Variants in CFAP221 observed in about 807,000 individuals in gnomAD.
CFAP221 encodes the protein cilia and flagella associated protein 221, also known as cilia- and flagella-associated protein 221.
CFAP221 carries 97 observed loss-of-function variants against 113.1 expected under a neutral mutation model. That is an observed-to-expected ratio of 0.86 (90% CI 0.73 to 1.02). The LOEUF (loss-of-function observed/expected upper bound fraction) is 1.02, where lower values mean the gene tolerates loss of function less well. CFAP221 is among the 50% of genes least tolerant of loss of function. The pLI, the probability that CFAP221 is intolerant of heterozygous loss-of-function variation, is 0.00. For synonymous variants in CFAP221, 331 were observed against 354.4 expected (o/e 0.93, Z 0.74); for missense variants, 1,025 against 1,013.4 (o/e 1.01, Z -0.16).
intron 20 of CFAP221, among the ~76,000 whole-genome samples, chr2:119,639,494 G>C (rs1466719229): frequency 6.6e-6 from 1 of 152,204 alleles, no homozygotes; most frequent in African/African-American, 2.4e-5. Flanking sequence ...AAACAAAATA[G>C]ATTCTAAGGC....
intron 6 of CFAP221, among the ~76,000 whole-genome samples, chr2:119,570,200 G>A (rs1681942304): frequency 1.3e-5 from 2 of 152,194 alleles, no homozygotes; most frequent in Admixed American, 6.5e-5. Context: ...TCTGGACTGT[G>A]AACTTCACAA....
intron 17 of CFAP221, among the ~76,000 whole-genome samples, chr2:119,630,206 T>C (rs1440514310): frequency 2.0e-5 from 3 of 152,224 alleles, no homozygotes; most frequent in Non-Finnish European, 4.4e-5. Context: ...GAACTACGTA[T>C]GTTAGAAACT....
intron 14 of CFAP221, among the ~76,000 whole-genome samples, chr2:119,620,322 T>C (rs1685816006): frequency 6.6e-6 from 1 of 151,722 alleles, no homozygotes; most frequent in Admixed American, 6.6e-5. Context: ...AAGGAAAAAA[T>C]GTTAAGGGTA....
chr2:119,628,834 C>T (rs1224121675), intron 16 of CFAP221, among the ~76,000 whole-genome samples: 1 of 152,132 alleles, frequency 6.6e-6, no homozygotes, highest in Non-Finnish European at 1.5e-5. Flanking sequence ...TTTCAAGCAA[C>T]AATAAATGTC....
chr2:119,571,489 C>CTT (rs762223100), intron 6 of CFAP221, among the ~76,000 whole-genome samples: 22 of 149,462 alleles, frequency 1.5e-4, no homozygotes, highest in Non-Finnish European at 3.0e-4. Flanking sequence ...GAGTTTCACT[C>CTT]TGTCACCCAG....
intron 7 of CFAP221, among the ~76,000 whole-genome samples, chr2:119,600,714 A>G (rs1281326008): frequency 6.6e-6 from 1 of 152,142 alleles, no homozygotes; most frequent in African/African-American, 2.4e-5. Flanking sequence ...GAGCCCACTT[A>G]TATTCAGATT....
At chr2:119,655,131 T>A (rs1275600581) in intron 23 of CFAP221, among the ~76,000 whole-genome samples, 3 of 152,130 alleles carry the variant, frequency 2.0e-5, no homozygotes, top group African/African-American at 7.2e-5. Flanking sequence ...TGGCAAACAT[T>A]TATTTTCATG....
chr2:119,630,128 T>A (rs1461489956), intron 17 of CFAP221, among the ~76,000 whole-genome samples, 173 bp downstream of exon 17: 1 of 152,250 alleles, frequency 6.6e-6, no homozygotes, highest in East Asian at 1.9e-4. Context: ...TTTCTCATAG[T>A]GTGGCTTAGG....
At chr2:119,596,313 C>G (rs1683970485) in intron 7 of CFAP221, among the ~76,000 whole-genome samples, 1 of 152,220 alleles carries the variant, frequency 6.6e-6, no homozygotes, top group African/African-American at 2.4e-5. Context: ...GCACTTCCTG[C>G]AGCTCCTAGA....
chr2:119,630,969 C>A, intron 19 of CFAP221, 68 bp downstream of exon 19: 1 of 1,552,306 alleles, frequency 6.4e-7, no homozygotes, highest in Non-Finnish European at 8.8e-7. Flanking sequence ...CTATAGGAAA[C>A]AGAGCACTCA....
chr2:119,572,625 C>G, intron 6 of CFAP221: 1 of 692,746 alleles, frequency 1.4e-6, no homozygotes, highest in Non-Finnish European at 2.6e-6. Context: ...CTCCCATCAA[C>G]TCATTTTCCT....
At chr2:119,576,450 C>T (rs1027615002) in intron 6 of CFAP221, among the ~76,000 whole-genome samples, 1 of 152,082 alleles carries the variant, frequency 6.6e-6, no homozygotes, top group Non-Finnish European at 1.5e-5. Context: ...TGAAAACATG[C>T]GGTATTTGGT....
At chr2:119,569,412 C>T (rs545686680) in intron 6 of CFAP221, among the ~76,000 whole-genome samples, 5 of 152,058 alleles carry the variant, frequency 3.3e-5, no homozygotes, top group East Asian at 3.9e-4. Context: ...GCCACCGCAC[C>T]GGCCTTCTTT....
At chr2:119,559,662 C>G in intron 3 of CFAP221, 27 bp from the exon 4 acceptor site, 2 of 1,476,784 alleles carry the variant, frequency 1.4e-6, no homozygotes, top group Non-Finnish European at 1.8e-6. Context: ...CGTGTATTTC[C>G]TCTAAATACT....
chr2:119,551,893 C>T (rs955297665), intron 3 of CFAP221, among the ~76,000 whole-genome samples: 23 of 152,088 alleles, frequency 1.5e-4, no homozygotes, highest in East Asian at 1.9e-4. Flanking sequence ...ATAAATGTTT[C>T]GTAACTTTTG....
Position 119,604,767 on chromosome 2 carries a change from C to A in CFAP221, c.887C>A (p.Ala296Glu), listed in dbSNP as rs745914615. 6.5e-7 allele frequency: 1 copy of A among 1,542,002 alleles called. No homozygotes were observed. The highest frequency in any genetic ancestry group is 2.2e-5 in the Admixed American group (1 of 44,628). The change falls in exon 9 of 24, where the codon GCG becomes GAG. Residue 296 changes from alanine to glutamate, a missense_variant. Physicochemically the swap from Ala to Glu is moderately radical, Grantham distance 107. Coordinates refer to ENST00000413369, the MANE Select transcript of CFAP221 (RefSeq NM_001271049.2). The part of the protein sequence containing the change: ...MMHINFHRPP[A>E]KPKPQKVKEI... ...CATATAAATTTTCACCGACCGCCAG[C>A]GAAGCCGAAGCCTCAGAAGGTGAAG...
intron 21 of CFAP221, among the ~76,000 whole-genome samples, chr2:119,643,302 T>C (rs1687608081): frequency 6.6e-6 from 1 of 152,258 alleles, no homozygotes; most frequent in Non-Finnish European, 1.5e-5. Context: ...TTATTCCAAG[T>C]CATTTTTGTA....
rs766788176 is a variant in CFAP221 at position 119,561,838 on chromosome 2, C to T, written c.427-176C>T. 3.9e-5 allele frequency among the ~76,000 whole-genome samples: 6 copies of T among 152,232 alleles called. No homozygotes were observed. In the South Asian group the frequency reaches 6.2e-4, roughly 16 times the overall value. ...AATAAAGAGTACTTAAAATTTTCTACGCTTTGTTTATGGCTAAGAAAACTC... is the reference window on the plus strand; with the variant it reads ...AATAAAGAGTACTTAAAATTTTCTATGCTTTGTTTATGGCTAAGAAAACTC... On this transcript the variant is annotated intron_variant, in intron 5 of 23. Coordinates refer to ENST00000413369, the MANE Select transcript of CFAP221 (RefSeq NM_001271049.2).
Position 119,587,106 on chromosome 2 carries a change from GT to G in CFAP221, c.528-10del, listed in dbSNP as rs1558937228. The G allele has an allele frequency of 1.4e-6, 2 of 1,475,104 alleles. No homozygotes were observed. Among genetic ancestry groups the G allele is most frequent in the Non-Finnish European group, 9.0e-7 (1 of 1,117,032 alleles). The allele number at this position is 1,475,104 out of a possible 1,614,324, so 91.4% of individuals were successfully genotyped here. Reference sequence around the variant, plus strand: ...AAATAATATTTTTATTTTCTTTTTTGTTTGTTTTGCAGCAAAACTTATGTTA... The same window carrying G: ...AAATAATATTTTTATTTTCTTTTTTGTTGTTTTGCAGCAAAACTTATGTTA... On this transcript the variant is annotated splice_polypyrimidine_tract_variant and intron_variant, in intron 6 of 23. Coordinates refer to ENST00000413369, the MANE Select transcript of CFAP221 (RefSeq NM_001271049.2).
Sources: allele counts gnomAD v4.1 joint callset (sites outside exome capture counted in the v4.1 genomes callset), GRCh38; gene constraint gnomAD v4.1.1; transcripts MANE v1.5; gene names NCBI Gene and HGNC (gene_info 2026-07-23, HGNC 2026-07-21).